Variants in POLA1 observed in about 807,000 individuals in gnomAD.
POLA1 encodes DNA polymerase alpha 1, catalytic subunit.
Under a neutral mutation model 124.0 loss-of-function variants are expected in POLA1, and 15 were observed. The observed-to-expected ratio is 0.12, with a 90% CI of 0.08 to 0.19. POLA1 has a LOEUF of 0.19. Among genes scored for constraint, POLA1 ranks in the 10% least tolerant of loss-of-function variants. The pLI is 1.00. For missense variants in POLA1, 886 were observed against 1,103.4 expected, an observed-to-expected ratio of 0.80 and a Z score of 2.79; for synonymous variants, 408 against 389.4, an observed-to-expected ratio of 1.05 and a Z score of -0.56.
rs746764841 is a variant in POLA1, at chrX:24,996,183, C to T, written c.*233C>T. 3.4e-6 allele frequency: 1 copy of T among 290,781 alleles called. No individual in the cohort carries two copies. The highest frequency in any genetic ancestry group is 1.4e-4 in the South Asian group (1 of 7,279). 24.0% of individuals were successfully genotyped at this position (290,781 alleles called of 1,213,427 possible). On this transcript the variant is annotated 3_prime_UTR_variant, in exon 37 of 37. Transcript: ENST00000379068. ...AGATGTACTGCTTTAAAACACAACT[C>T]CAGAGCCCCTCCCCAAGCTCCCCTC...
intron 36 of POLA1, among the ~76,000 whole-genome samples, chrX:24,988,036 T>C (rs2048497389): frequency 8.9e-6 from 1 of 112,651 alleles, no homozygotes; most frequent in African/African-American, 3.2e-5. Context: ...GAAGGGAAGA[T>C]ATCCAGAGGA....
In POLA1 at chrX:24,956,259, C is replaced by CG. The variant is rs771185968; in HGVS notation, c.4261+25710_4261+25711insG. Among the ~76,000 whole-genome samples the CG allele has an allele frequency of 2.7e-5, 3 of 109,890 alleles. No homozygotes were observed. The East Asian group carries it at 8.5e-4, about 31-fold the overall frequency. On this transcript the variant is annotated intron_variant, in intron 36 of 36. Coordinates refer to ENST00000379068, the MANE Select transcript of POLA1 (RefSeq NM_001330360.2). ...AGTGAGTTATGATCGTGCCACTGTACTGTAGCCTGGGTGACAAAGCAAGAC... is the reference window on the plus strand; with the variant it reads ...AGTGAGTTATGATCGTGCCACTGTACGTGTAGCCTGGGTGACAAAGCAAGAC...
At chrX:24,925,932 T>C (rs1318716794) in intron 35 of POLA1, among the ~76,000 whole-genome samples, 1 of 111,039 alleles carries the variant, frequency 9.0e-6, no homozygotes, top group Non-Finnish European at 1.9e-5. Context: ...CAGGACAACA[T>C]AGATGAATCT....
At chrX:24,850,777 G>C (rs1005377899) in intron 34 of POLA1, among the ~76,000 whole-genome samples, 1 of 112,041 alleles carries the variant, frequency 8.9e-6, no homozygotes, top group Non-Finnish European at 1.9e-5. Flanking sequence ...CGGGGATGGA[G>C]AACTATATGG....
intron 35 of POLA1, among the ~76,000 whole-genome samples, chrX:24,888,771 T>G (rs1393169864): frequency 6.4e-5 from 7 of 108,937 alleles, no homozygotes; most frequent in African/African-American, 2.3e-4. Context: ...AGATGGAGTT[T>G]CACCATGTTG....
chrX:24,945,892 T>C (rs2047955571), intron 36 of POLA1, among the ~76,000 whole-genome samples: 1 of 111,280 alleles, frequency 9.0e-6, no homozygotes, highest in Admixed American at 9.7e-5. Context: ...TGGTGCTGTA[T>C]ACGCTAATGT....
At chrX:24,835,565 T>G (rs1434243247) in intron 32 of POLA1, among the ~76,000 whole-genome samples, 5 of 110,403 alleles carry the variant, frequency 4.5e-5, no homozygotes, top group African/African-American at 1.6e-4. Context: ...TTCTATTTTT[T>G]TTTTTCCTTT....
chrX:24,898,803 C>A (rs941791810), intron 35 of POLA1, among the ~76,000 whole-genome samples: 1 of 111,958 alleles, frequency 8.9e-6, no homozygotes, highest in African/African-American at 3.2e-5. Flanking sequence ...ATTCTACCCC[C>A]ATTTTTTTTA....
intron 36 of POLA1, among the ~76,000 whole-genome samples, chrX:24,947,380 A>G (rs777380736): frequency 1.9e-4 from 19 of 98,932 alleles, no homozygotes; most frequent in Non-Finnish European, 3.6e-4. Context: ...TGACCCTCCC[A>G]CTTAAGCCTC....
At chrX:24,756,920 G>A (rs1248612297) in intron 26 of POLA1, among the ~76,000 whole-genome samples, 1 of 111,383 alleles carries the variant, frequency 9.0e-6, no homozygotes, top group Non-Finnish European at 1.9e-5. Context: ...TGGGTGGTAG[G>A]AGGGATGAGT....
Position 24,890,076 on chromosome X carries a change from A to T in POLA1, c.4164+1954A>T, listed in dbSNP as rs182537631. On this transcript the variant is annotated intron_variant, in intron 35 of 36. Coordinates refer to ENST00000379068, the MANE Select transcript of POLA1 (RefSeq NM_001330360.2). ...AAGCATTTTTTCTGTGTTGTACTTC[A>T]TTTTCAGTACGATTTTTTTTTTTTT... Among the ~76,000 whole-genome samples, 418 of 79,606 alleles carry T rather than the reference A, an allele frequency of 5.3e-3. 3 individuals carry two copies. The highest frequency in any genetic ancestry group is 0.032 in the Middle Eastern group (5 of 155). 69.1% of individuals were successfully genotyped at this position (79,606 alleles called of 115,157 possible). A position where few individuals can be genotyped will look rare whatever the true frequency, so the allele number is the denominator to read the frequency against.
chrX:24,755,256 C>G (rs1378448216), intron 26 of POLA1, among the ~76,000 whole-genome samples: 1 of 112,235 alleles, frequency 8.9e-6, no homozygotes, highest in Non-Finnish European at 1.9e-5. Flanking sequence ...TTTTGATATA[C>G]AATTTTGCTT....
intron 26 of POLA1, among the ~76,000 whole-genome samples, chrX:24,778,453 A>T (rs996538857): frequency 9.0e-6 from 1 of 110,518 alleles, no homozygotes. Flanking sequence ...CTGGTCTTGA[A>T]CTCCTCACCT....
intron 26 of POLA1, among the ~76,000 whole-genome samples, chrX:24,774,773 T>A (rs2045103080): frequency 8.9e-6 from 1 of 112,814 alleles, no homozygotes; most frequent in Admixed American, 9.3e-5. Context: ...GGTTCTTTGC[T>A]GAATAATTTC....
chrX:24,963,070 A>C (rs921185647), intron 36 of POLA1, among the ~76,000 whole-genome samples: 4 of 111,675 alleles, frequency 3.6e-5, no homozygotes, highest in African/African-American at 1.3e-4. Context: ...GAATAGTAGA[A>C]TCTGTGCATA....
intron 36 of POLA1, among the ~76,000 whole-genome samples, chrX:24,976,265 A>G (rs747931074): frequency 3.6e-5 from 4 of 112,244 alleles, no homozygotes; most frequent in South Asian, 7.4e-4. Flanking sequence ...GGAAAGCAGT[A>G]CAGCCCCAAA....
chrX:24,802,890 C>T (rs1229194102), intron 26 of POLA1, among the ~76,000 whole-genome samples: 6 of 111,285 alleles, frequency 5.4e-5, no homozygotes, highest in Admixed American at 1.9e-4. Flanking sequence ...ACCAGCTACT[C>T]GGGAGGCTGA....
intron 36 of POLA1, among the ~76,000 whole-genome samples, chrX:24,962,266 CTG>C (rs1349270336): frequency 1.8e-5 from 2 of 110,512 alleles, no homozygotes; most frequent in African/African-American, 6.6e-5. Context: ...AAGTGAAAAA[CTG>C]TAAAAAAAAG....
At chrX:24,747,405 T>G (rs1057168651) in intron 24 of POLA1, among the ~76,000 whole-genome samples, 2 of 110,785 alleles carry the variant, frequency 1.8e-5, no homozygotes, top group Admixed American at 1.9e-4. Context: ...CCTCAGGTGA[T>G]CCACCCGCCT....
Sources: gnomAD v4.1 joint callset for allele counts (sites outside exome capture counted in the v4.1 genomes callset) on GRCh38, gnomAD v4.1.1 for gene constraint, MANE v1.5 for transcripts, NCBI Gene and HGNC (gene_info 2026-07-23, HGNC 2026-07-21) for gene names.